COG5: variants seen among roughly 807,000 people sequenced by gnomAD.
COG5 encodes the protein component of oligomeric golgi complex 5, also known as conserved oligomeric Golgi complex subunit 5.
COG5 carries 86 observed loss-of-function variants against 110.4 expected under a neutral mutation model. The ratio of observed to expected loss-of-function variants is 0.78; its 90% confidence interval spans 0.65 to 0.93. The LOEUF is 0.93. Among genes scored for constraint, COG5 ranks in the 40% least tolerant of loss-of-function variants. The probability of loss-of-function intolerance (pLI) is 0.00; values close to 1 mark genes in which losing one functional copy is unlikely to be tolerated. For missense variants in COG5, 1,077 were observed against 987.0 expected (o/e 1.09, Z -1.22); for synonymous variants, 360 against 334.6 (o/e 1.08, Z -0.83).
intron 6 of COG5, among the ~76,000 whole-genome samples, chr7:107,495,045 G>A (rs1798189804): frequency 6.6e-6 from 1 of 152,118 alleles, no homozygotes; most frequent in Non-Finnish European, 1.5e-5. Flanking sequence ...TCGAAAGTCA[G>A]AGAGGAATCT....
intron 6 of COG5, among the ~76,000 whole-genome samples, chr7:107,471,145 G>A (rs1325472605): frequency 6.6e-6 from 1 of 151,918 alleles, no homozygotes; most frequent in African/African-American, 2.4e-5. Context: ...AATTGTATTT[G>A]AAATGTGAAC....
At chr7:107,220,159 G>C (rs576605746) in intron 19 of COG5, among the ~76,000 whole-genome samples, 1 of 152,140 alleles carries the variant, frequency 6.6e-6, no homozygotes, top group African/African-American at 2.4e-5. Context: ...CCTATTTCTA[G>C]AACAGCTATG....
At chr7:107,400,579 A>G (rs573259343) in intron 7 of COG5, among the ~76,000 whole-genome samples, 2 of 152,158 alleles carry the variant, frequency 1.3e-5, no homozygotes, top group African/African-American at 2.4e-5. Flanking sequence ...ACAGAATTCT[A>G]TATGAAATAC....
At chr7:107,414,919 G>C (rs780748385) in intron 6 of COG5, among the ~76,000 whole-genome samples, 1 of 151,248 alleles carries the variant, frequency 6.6e-6, no homozygotes, top group Non-Finnish European at 1.5e-5. Context: ...GTAGAGACGG[G>C]GTTTCACCAT....
intron 14 of COG5, among the ~76,000 whole-genome samples, chr7:107,265,747 C>T (rs996010761): frequency 6.6e-6 from 1 of 151,954 alleles, no homozygotes; most frequent in Non-Finnish European, 1.5e-5. Flanking sequence ...TATCAAAGAT[C>T]CTTCAGGCTA....
chr7:107,457,444 T>C (rs1006498771), intron 6 of COG5, among the ~76,000 whole-genome samples: 11 of 152,088 alleles, frequency 7.2e-5, no homozygotes, highest in African/African-American at 1.4e-4. Flanking sequence ...CTTTGTTTTT[T>C]TGAGACAGAG....
At chr7:107,561,924 C>T (rs1185208862) in intron 1 of COG5, among the ~76,000 whole-genome samples, 2 of 151,716 alleles carry the variant, frequency 1.3e-5, no homozygotes, top group African/African-American at 2.4e-5. Context: ...TGCAGTGAGC[C>T]GAGACTGCGC....
chr7:107,314,582 CAA>C lies in COG5; in HGVS notation c.1108+9856_1108+9857del, dbSNP rs764317288. Among the ~76,000 whole-genome samples, 446 of 55,024 alleles carry C rather than the reference CAA, an allele frequency of 8.1e-3. 2 individuals carry two copies. Among genetic ancestry groups the C allele is most frequent in the African/African-American group, 0.024 (430 of 17,614 alleles). The allele number at this position is 55,024 out of a possible 152,430, so 36.1% of individuals were successfully genotyped here. On this transcript the variant is annotated intron_variant, in intron 11 of 21. Coordinates refer to ENST00000297135, the MANE Select transcript of COG5 (RefSeq NM_006348.5). ...ACACGGTGAAACCCCATCTCTACTA[CAA>C]AAAAAAAAAAAAAAAAAAAGCCAGG...
intron 19 of COG5, among the ~76,000 whole-genome samples, chr7:107,216,853 C>A (rs1799568885): frequency 6.6e-6 from 1 of 151,660 alleles, no homozygotes; most frequent in Non-Finnish European, 1.5e-5. Flanking sequence ...AAATTTAAGC[C>A]CAAAGTTAGC....
At chr7:107,557,923 A>G (rs1803444084) in intron 2 of COG5, 53 bp downstream of exon 2, 3 of 1,596,032 alleles carry the variant, frequency 1.9e-6, no homozygotes, top group African/African-American at 1.3e-5. Context: ...CAAAAATGCT[A>G]AATTATCACT....
intron 6 of COG5, among the ~76,000 whole-genome samples, chr7:107,483,822 T>C (rs1042774660): frequency 2.6e-5 from 4 of 151,958 alleles, no homozygotes; most frequent in African/African-American, 9.6e-5. Context: ...GTGGCTTTAG[T>C]ATAGGGTTTC....
At chr7:107,283,857 A>G (rs1805397483) in intron 12 of COG5, 125 bp from the exon 13 acceptor site, 1 of 696,190 alleles carries the variant, frequency 1.4e-6, no homozygotes, top group Admixed American at 2.5e-5. Flanking sequence ...TATTAAGAAA[A>G]AGAAAATAAT....
At chr7:107,318,140 G>A (rs1286496683) in intron 11 of COG5, among the ~76,000 whole-genome samples, 1 of 152,018 alleles carries the variant, frequency 6.6e-6, no homozygotes, top group Non-Finnish European at 1.5e-5. Context: ...TGATTCCCCT[G>A]CCTCAGCCTC....
chr7:107,218,539 A>G (rs1215134633), intron 19 of COG5, among the ~76,000 whole-genome samples: 3 of 152,162 alleles, frequency 2.0e-5, no homozygotes, highest in Non-Finnish European at 4.4e-5. Flanking sequence ...GAGCCCATAA[A>G]TGAACCCACA....
chr7:107,423,900 A>G (rs1287846460), intron 6 of COG5, among the ~76,000 whole-genome samples: 1 of 147,124 alleles, frequency 6.8e-6, no homozygotes, highest in African/African-American at 2.4e-5. Context: ...TAAAATTTAA[A>G]AATAATGAAA....
chr7:107,297,710 A>G (rs1806881652), intron 12 of COG5, among the ~76,000 whole-genome samples: 1 of 152,002 alleles, frequency 6.6e-6, no homozygotes, highest in African/African-American at 2.4e-5. Flanking sequence ...TTGTTAACAC[A>G]TTGACTGAGA....
At chr7:107,393,410 C>A (rs1039500165) in intron 7 of COG5, among the ~76,000 whole-genome samples, 1 of 152,182 alleles carries the variant, frequency 6.6e-6, no homozygotes, top group South Asian at 2.1e-4. Context: ...ACTTTCTCCC[C>A]GTGATCAATA....
chr7:107,370,596 G>A (rs1281778611), intron 8 of COG5, among the ~76,000 whole-genome samples: 1 of 151,778 alleles, frequency 6.6e-6, no homozygotes, highest in African/African-American at 2.4e-5. Context: ...GACCAGCCTG[G>A]CCAACATGAT....
chr7:107,382,154 T>TA (rs1227487288), intron 7 of COG5, among the ~76,000 whole-genome samples: 2 of 152,304 alleles, frequency 1.3e-5, no homozygotes, highest in Admixed American at 1.3e-4. Flanking sequence ...TCAGTCCCTG[T>TA]ACAGGGTTCC....
Sources: allele counts gnomAD v4.1 joint callset (sites outside exome capture counted in the v4.1 genomes callset), GRCh38; gene constraint gnomAD v4.1.1; transcripts MANE v1.5; gene names NCBI Gene and HGNC (gene_info 2026-07-23, HGNC 2026-07-21).